IRF2: variants seen among roughly 807,000 people sequenced by gnomAD.
The protein encoded by IRF2 is interferon regulatory factor 2.
IRF2 carries 15 observed loss-of-function variants against 40.6 expected under a neutral mutation model. The observed-to-expected ratio is 0.37, with a 90% CI of 0.25 to 0.57. The LOEUF (loss-of-function observed/expected upper bound fraction) is 0.57. IRF2 is among the 20% of genes least tolerant of loss of function. The pLI is 0.77. For synonymous variants in IRF2, 151 were observed against 165.5 expected (o/e 0.91, Z 0.67); for missense variants, 317 against 455.7 (o/e 0.70, Z 2.77).
At chr4:184,428,585 C>G (rs1737753181) in intron 2 of IRF2, 1 of 397,534 alleles carries the variant, frequency 2.5e-6, no homozygotes, top group Non-Finnish European at 5.1e-6. Context: ...ATCACTTCAG[C>G]CCAGGAGTTC....
rs145864191 is a variant in IRF2, at chr4:184,447,531, A to T, written c.-6-18461T>A. 3.3e-5 allele frequency among the ~76,000 whole-genome samples: 5 copies of T among 152,350 alleles called. No individual in the cohort carries two copies. In the East Asian group the frequency reaches 9.6e-4, roughly 29 times the overall value. On this transcript the variant is annotated intron_variant, in intron 1 of 8. Coordinates refer to ENST00000393593, the MANE Select transcript of IRF2 (RefSeq NM_002199.4). Reference sequence around the variant, plus strand: ...CTGGTGAAAAATGGGATACTTACATAGCCTCAAAAATACCTCCCACAAAAT... The same window carrying T: ...CTGGTGAAAAATGGGATACTTACATTGCCTCAAAAATACCTCCCACAAAAT...
intron 1 of IRF2, among the ~76,000 whole-genome samples, chr4:184,471,246 G>T (rs7681613): frequency 6.6e-6 from 1 of 152,036 alleles, no homozygotes; most frequent in Non-Finnish European, 1.5e-5. Flanking sequence ...ACGAGATATA[G>T]TTAAAAATTA....
intron 6 of IRF2, among the ~76,000 whole-genome samples, chr4:184,400,219 A>T (rs1339791500): frequency 6.6e-6 from 1 of 152,096 alleles, no homozygotes; most frequent in African/African-American, 2.4e-5. Flanking sequence ...GTACCTCCCC[A>T]TCCATCTCTT....
chr4:184,402,671 A>C (rs1275384632), intron 6 of IRF2, among the ~76,000 whole-genome samples: 1 of 152,156 alleles, frequency 6.6e-6, no homozygotes, highest in Non-Finnish European at 1.5e-5. Context: ...GGATTGTGAC[A>C]ATCTGCAAAT....
chr4:184,423,860 AT>A (rs1737569712), intron 2 of IRF2, among the ~76,000 whole-genome samples: 1 of 152,244 alleles, frequency 6.6e-6, no homozygotes, highest in African/African-American at 2.4e-5. Context: ...CAGTCTTTGA[AT>A]TCTGATTTGA....
At chr4:184,449,582 A>G (rs1738639832) in intron 1 of IRF2, among the ~76,000 whole-genome samples, 2 of 152,264 alleles carry the variant, frequency 1.3e-5, no homozygotes, top group South Asian at 2.1e-4. Context: ...CAGCCTAGAA[A>G]GAGAAGACAG....
chr4:184,465,642 T>G (rs1486363192), intron 1 of IRF2, among the ~76,000 whole-genome samples: 2 of 152,180 alleles, frequency 1.3e-5, no homozygotes, highest in African/African-American at 4.8e-5. Flanking sequence ...GCATAGATCA[T>G]AAATATTTTC....
intron 1 of IRF2, among the ~76,000 whole-genome samples, chr4:184,470,934 C>G (rs1300314130): frequency 1.3e-5 from 2 of 152,132 alleles, no homozygotes; most frequent in Non-Finnish European, 2.9e-5. Context: ...TTCCTTCTGA[C>G]AGGAAAAAAT....
intron 1 of IRF2, among the ~76,000 whole-genome samples, chr4:184,467,646 G>A (rs746219108): frequency 2.2e-4 from 33 of 152,206 alleles, no homozygotes; most frequent in Non-Finnish European, 3.8e-4. Flanking sequence ...CCAGGACAGC[G>A]TATTCTGTCT....
At chr4:184,403,150 G>A (rs1198551235) in intron 6 of IRF2, among the ~76,000 whole-genome samples, 10 of 152,124 alleles carry the variant, frequency 6.6e-5, no homozygotes, top group African/African-American at 1.7e-4. Context: ...TCCAGACATC[G>A]TGGGTACTTT....
At chr4:184,433,878 G>A (rs1305095785) in intron 1 of IRF2, among the ~76,000 whole-genome samples, 2 of 152,208 alleles carry the variant, frequency 1.3e-5, no homozygotes, top group Admixed American at 1.3e-4. Context: ...AGCCGAGGGT[G>A]AGCGTACATC....
intron 6 of IRF2, among the ~76,000 whole-genome samples, chr4:184,402,688 C>T (rs753479904): frequency 1.1e-4 from 17 of 152,004 alleles, no homozygotes; most frequent in Non-Finnish European, 2.2e-4. Flanking sequence ...AAATACGGGA[C>T]GTGACAATTA....
intron 2 of IRF2, among the ~76,000 whole-genome samples, chr4:184,426,155 A>G (rs1047903142): frequency 6.6e-6 from 1 of 152,180 alleles, no homozygotes; most frequent in African/African-American, 2.4e-5. Flanking sequence ...AGCTGGGATT[A>G]CAGGCACCTG....
chr4:184,472,591 G>C (rs1375561686), intron 1 of IRF2: 1 of 151,848 alleles, frequency 6.6e-6, no homozygotes, highest in Non-Finnish European at 1.5e-5. Context: ...ACGAATGCCA[G>C]CACCACTTTT....
intron 1 of IRF2, among the ~76,000 whole-genome samples, chr4:184,452,149 C>T (rs1268816091): frequency 6.6e-6 from 1 of 152,162 alleles, no homozygotes; most frequent in Non-Finnish European, 1.5e-5. Flanking sequence ...GGCCCAAGTC[C>T]CCCCAGCACT....
In IRF2 at chr4:184,428,986, G is replaced by A. The variant is rs757094172; in HGVS notation, c.79C>T (p.Leu27Phe). 1.2e-6 allele frequency: 2 copies of A among 1,613,914 alleles called. No homozygotes were observed. The highest frequency in any genetic ancestry group is 1.7e-6 in the Non-Finnish European group (2 of 1,179,878). ...CACCCTGACCCACTCACCTTGTTAA[G>A]CCACTTGAGCCCCGGGATCGTGTTG... is the stretch of plus-strand genomic sequence containing the variant. ...NSNTIPGLKWLNKEKKIFQIP... is the reference protein window; with the variant it reads ...NSNTIPGLKWFNKEKKIFQIP... Residue 27 changes from leucine (L) to phenylalanine (F), a missense_variant, in exon 2 of 9, where the codon CTT becomes TTT. By Grantham distance (22) the Leu-to-Phe change is conservative (BLOSUM62 0). Transcript: ENST00000393593.
At chr4:184,451,156 C>T (rs1738699762) in intron 1 of IRF2, among the ~76,000 whole-genome samples, 1 of 152,152 alleles carries the variant, frequency 6.6e-6, no homozygotes, top group Non-Finnish European at 1.5e-5. Context: ...TTCAAAGAGG[C>T]ACATACTTCC....
chr4:184,444,956 G>T (rs572613549), intron 1 of IRF2, among the ~76,000 whole-genome samples: 1 of 152,300 alleles, frequency 6.6e-6, no homozygotes, highest in African/African-American at 2.4e-5. Flanking sequence ...GGAGCAGGTG[G>T]TTTTAACCAT....
At chr4:184,420,328 A>C (rs181138178) in intron 2 of IRF2, among the ~76,000 whole-genome samples, 1 of 152,302 alleles carries the variant, frequency 6.6e-6, no homozygotes, top group Non-Finnish European at 1.5e-5. Flanking sequence ...GATGCTACTA[A>C]AGAAAAGTCG....
Sources: allele counts gnomAD v4.1 joint callset (sites outside exome capture counted in the v4.1 genomes callset), GRCh38; gene constraint gnomAD v4.1.1; transcripts MANE v1.5; gene names NCBI Gene and HGNC (gene_info 2026-07-23, HGNC 2026-07-21).